LINGO2: variants seen among roughly 807,000 people sequenced by gnomAD.
LINGO2 encodes the protein leucine rich repeat and Ig domain containing 2.
LINGO2 carries 14 observed loss-of-function variants against 30.6 expected under a neutral mutation model. The observed-to-expected ratio is 0.46, with a 90% confidence interval of 0.30 to 0.72. The LOEUF (loss-of-function observed/expected upper bound fraction) is 0.72, where lower values mean the gene tolerates loss of function less well. Among genes scored for constraint, LINGO2 ranks in the 30% least tolerant of loss-of-function variants. LINGO2 has a pLI of 0.07. For missense variants in LINGO2, 729 were observed against 751.7 expected, an observed-to-expected ratio of 0.97 and a Z score of 0.35; for synonymous variants, 317 against 288.5, an observed-to-expected ratio of 1.10 and a Z score of -1.00.
chr9:28,152,481 T>C (rs1359465211), intron 4 of LINGO2, among the ~76,000 whole-genome samples: 2 of 152,124 alleles, frequency 1.3e-5, no homozygotes, highest in Admixed American at 6.6e-5. Flanking sequence ...CTTTTCTTTA[T>C]AAATTACCCA....
the LINGO2 span, among the ~76,000 whole-genome samples, chr9:29,157,868 C>G: frequency 7.2e-5 from 11 of 152,156 alleles, no homozygotes; most frequent in African/African-American, 2.6e-4. Flanking sequence ...TGAAACAGTA[C>G]TATACACTTA....
chr9:29,034,118 G>A, the LINGO2 span, among the ~76,000 whole-genome samples: 4 of 151,728 alleles, frequency 2.6e-5, no homozygotes, highest in Non-Finnish European at 5.9e-5. Context: ...TTACATATTT[G>A]TTAAATAGAT....
At chr9:28,881,572 T>A in the LINGO2 span, among the ~76,000 whole-genome samples, 8 of 151,998 alleles carry the variant, frequency 5.3e-5, no homozygotes, top group African/African-American at 1.9e-4. Context: ...GTATTTTAAG[T>A]GAAAAATGCT....
intron 2 of LINGO2, among the ~76,000 whole-genome samples, chr9:28,383,028 T>A (rs1201968725): frequency 6.6e-6 from 1 of 152,026 alleles, no homozygotes; most frequent in Admixed American, 6.6e-5. Flanking sequence ...AGGTGGTAAG[T>A]GTGGAAGTGA....
At chr9:28,930,084 C>T in the LINGO2 span, among the ~76,000 whole-genome samples, 1 of 152,186 alleles carries the variant, frequency 6.6e-6, no homozygotes, top group Admixed American at 6.5e-5. This position sits in a 1 kb window ranked among gnomAD's most constrained non-coding sequence, Gnocchi z 4.2. Flanking sequence ...TGCTCTACCC[C>T]TTTTCACACT....
the LINGO2 span, among the ~76,000 whole-genome samples, chr9:28,877,883 A>G: frequency 6.6e-6 from 1 of 152,312 alleles, no homozygotes; most frequent in Admixed American, 6.5e-5. Flanking sequence ...CCTACCAATG[A>G]GCATGGAATG....
At chr9:28,762,322 A>T in the LINGO2 span, among the ~76,000 whole-genome samples, 1 of 152,078 alleles carries the variant, frequency 6.6e-6, no homozygotes, top group Non-Finnish European at 1.5e-5. Flanking sequence ...AAAGGAAGAA[A>T]GAGAAAAGGG....
intron 4 of LINGO2, among the ~76,000 whole-genome samples, chr9:28,280,578 A>T (rs1255752659): frequency 6.6e-6 from 1 of 152,106 alleles, no homozygotes. Flanking sequence ...ATTTAAGACA[A>T]TGTCCTTTTA....
At chr9:28,495,125 T>C (rs1819554250) in intron 1 of LINGO2, among the ~76,000 whole-genome samples, 1 of 152,216 alleles carries the variant, frequency 6.6e-6, no homozygotes, top group Admixed American at 6.5e-5. Flanking sequence ...TAGCCCTTTG[T>C]CAGATGAGTA....
intron 5 of LINGO2, among the ~76,000 whole-genome samples, chr9:28,011,334 T>C (rs1822542638): frequency 6.6e-6 from 1 of 152,182 alleles, no homozygotes. Flanking sequence ...CAGGCCTGGA[T>C]ATTTGGAGAA....
rs376005077 is a variant in LINGO2, at chr9:28,229,945, G to A, written c.-87+65263C>T. Among the ~76,000 whole-genome samples, 79 of 151,890 alleles carry A rather than the reference G, an allele frequency of 5.2e-4. 1 individual carries two copies. The East Asian group carries it at 5.4e-3, about 10-fold the overall frequency. On this transcript the variant is annotated intron_variant, in intron 4 of 5. Coordinates refer to ENST00000379992, the Ensembl canonical transcript of LINGO2. The stretch of plus-strand genomic sequence containing the variant: ...AAAGAACAACTTGTACAAAGGAGCT[G>A]ATTTGACCTAAAGGCAATAAAAGAA...
intron 4 of LINGO2, among the ~76,000 whole-genome samples, chr9:28,123,116 T>C (rs1827144483): frequency 6.6e-6 from 1 of 152,210 alleles, no homozygotes; most frequent in Non-Finnish European, 1.5e-5. Context: ...AGATCAAAGT[T>C]GAACCAAAAA....
the LINGO2 span, among the ~76,000 whole-genome samples, chr9:28,813,769 T>A: frequency 1.3e-5 from 2 of 152,170 alleles, no homozygotes; most frequent in African/African-American, 4.8e-5. Context: ...CTACTTTAGA[T>A]TAGGTAATCA....
chr9:28,374,576 TTTC>T (rs1821046903), intron 2 of LINGO2, among the ~76,000 whole-genome samples: 1 of 152,142 alleles, frequency 6.6e-6, no homozygotes, highest in African/African-American at 2.4e-5. Context: ...GCCTGCCTTC[TTTC>T]TAGCTTGCCA....
chr9:28,361,710 C>A (rs1022570155), intron 3 of LINGO2, among the ~76,000 whole-genome samples: 9 of 151,804 alleles, frequency 5.9e-5, no homozygotes, highest in Non-Finnish European at 1.3e-4. Context: ...GATTGTGAAA[C>A]CTAGATGTTC....
intron 5 of LINGO2, among the ~76,000 whole-genome samples, chr9:27,970,837 A>G (rs989614897): frequency 3.9e-5 from 6 of 151,942 alleles, no homozygotes; most frequent in Admixed American, 2.0e-4. Flanking sequence ...ACAGAGATAT[A>G]ACCATGAAAA....
intron 5 of LINGO2, among the ~76,000 whole-genome samples, chr9:28,001,361 T>G (rs1023624973): frequency 6.6e-6 from 1 of 152,146 alleles, no homozygotes; most frequent in Non-Finnish European, 1.5e-5. Context: ...CATCGACTTG[T>G]AGAATTTCTA....
intron 5 of LINGO2, among the ~76,000 whole-genome samples, chr9:27,995,072 A>AC (rs1176025245): frequency 1.3e-5 from 2 of 152,202 alleles, no homozygotes; most frequent in Admixed American, 6.5e-5. Context: ...TATAACTGAT[A>AC]CCACAGAAAT....
intron 2 of LINGO2, among the ~76,000 whole-genome samples, chr9:28,424,576 G>A (rs1057383285): frequency 1.3e-5 from 2 of 152,122 alleles, no homozygotes; most frequent in African/African-American, 4.8e-5. Context: ...AATGGTAGTT[G>A]ATTTGAAGTC....
Sources: gnomAD v4.1 joint callset for allele counts (sites outside exome capture counted in the v4.1 genomes callset) on GRCh38, gnomAD v4.1.1 for gene constraint, Gnocchi (gnomAD v3.1) non-coding constraint, MANE v1.5 for transcripts, NCBI Gene and HGNC (gene_info 2026-07-23, HGNC 2026-07-21) for gene names.